CENPP: variants seen among roughly 807,000 people sequenced by gnomAD.
The protein encoded by CENPP is centromere protein P.
CENPP carries 24 observed loss-of-function variants against 35.6 expected under a neutral mutation model. The observed-to-expected ratio is 0.67, with a 90% CI of 0.49 to 0.95. CENPP has a LOEUF of 0.95. CENPP is among the 40% of genes least tolerant of loss of function. CENPP has a pLI of 0.00. For missense variants in CENPP, 332 were observed against 345.3 expected, an observed-to-expected ratio of 0.96 and a Z score of 0.31; for synonymous variants, 120 against 125.5, an observed-to-expected ratio of 0.96 and a Z score of 0.29.
intron 4 of CENPP, among the ~76,000 whole-genome samples, chr9:92,353,698 G>A (rs185738074): frequency 1.3e-5 from 2 of 152,214 alleles, no homozygotes; most frequent in East Asian, 1.9e-4. Flanking sequence ...TGGAGGCAGC[G>A]TTCCTCCCTC....
chr9:92,451,185 G>A (rs1844698389), intron 5 of CENPP, among the ~76,000 whole-genome samples: 1 of 149,060 alleles, frequency 6.7e-6, no homozygotes, highest in South Asian at 2.1e-4. Context: ...CCTATGTCCT[G>A]AATGGTAATG....
chr9:92,533,750 C>A (rs1849001250), intron 5 of CENPP, among the ~76,000 whole-genome samples: 1 of 152,010 alleles, frequency 6.6e-6, no homozygotes, highest in Non-Finnish European at 1.5e-5. Context: ...CTGAAAATGT[C>A]ATTGTTTAAT....
chr9:92,611,243 C>T, intron 5 of CENPP, 71 bp from the exon 6 acceptor site: 1 of 1,245,832 alleles, frequency 8.0e-7, no homozygotes, highest in South Asian at 1.2e-5. Context: ...TGGAACGGTG[C>T]CCCGTGCCCC....
At chr9:92,514,712 T>C (rs1429154936) in intron 5 of CENPP, 2 of 1,613,914 alleles carry the variant, frequency 1.2e-6, no homozygotes, top group African/African-American at 2.7e-5. Flanking sequence ...CTGATGGTCC[T>C]GTAGGACAGA....
At chr9:92,329,613 C>A (rs1217589238) in intron 1 of CENPP, among the ~76,000 whole-genome samples, 4 of 152,124 alleles carry the variant, frequency 2.6e-5, no homozygotes, top group Non-Finnish European at 5.9e-5. Context: ...TGACTCACTG[C>A]AACCTTCACC....
rs77394153 is a variant in CENPP, at chr9:92,334,369, T to G, written c.289+2018T>G. Reference sequence around the variant, plus strand: ...CTCCTGACCTCGTGATACGCCTGCCTCGGTCTCCCAAAGTGCTGGGATTAC... The same window carrying G: ...CTCCTGACCTCGTGATACGCCTGCCGCGGTCTCCCAAAGTGCTGGGATTAC... On this transcript the variant is annotated intron_variant, in intron 2 of 7. Coordinates refer to ENST00000375587, the MANE Select transcript of CENPP (RefSeq NM_001012267.3). Among the ~76,000 whole-genome samples the G allele has an allele frequency of 4.8e-3, 728 of 152,252 alleles. 4 individuals are homozygous for G. Among genetic ancestry groups the G allele is most frequent in the African/African-American group, 0.015 (636 of 41,562 alleles).
At chr9:92,542,393 A>C (rs1176171277) in intron 5 of CENPP, among the ~76,000 whole-genome samples, 1 of 151,624 alleles carries the variant, frequency 6.6e-6, no homozygotes, top group Non-Finnish European at 1.5e-5. Context: ...TCTTAATTTG[A>C]TGTAATCTCA....
chr9:92,606,716 C>T (rs900574398), intron 5 of CENPP, among the ~76,000 whole-genome samples: 14 of 152,140 alleles, frequency 9.2e-5, no homozygotes, highest in Admixed American at 6.5e-4. Flanking sequence ...CCATCTTGGC[C>T]AACATGGTGA....
At chr9:92,577,660 G>C (rs1246104928) in intron 5 of CENPP, among the ~76,000 whole-genome samples, 1 of 152,058 alleles carries the variant, frequency 6.6e-6, no homozygotes, top group Non-Finnish European at 1.5e-5. Flanking sequence ...GGTATTTGTA[G>C]AAAAATCAAG....
At chr9:92,608,439 G>C (rs899627220) in intron 5 of CENPP, among the ~76,000 whole-genome samples, 9 of 152,066 alleles carry the variant, frequency 5.9e-5, no homozygotes, top group Non-Finnish European at 1.0e-4. Flanking sequence ...TTGCCAATTT[G>C]GTCATCTTTT....
chr9:92,458,147 C>T (rs1564331166), intron 5 of CENPP, among the ~76,000 whole-genome samples: 1 of 152,170 alleles, frequency 6.6e-6, no homozygotes, highest in Non-Finnish European at 1.5e-5. Flanking sequence ...CACAATTTTA[C>T]AGGCCGTGTA....
At chr9:92,342,648 A>T (rs1022051254) in intron 3 of CENPP, among the ~76,000 whole-genome samples, 6 of 152,236 alleles carry the variant, frequency 3.9e-5, no homozygotes, top group Non-Finnish European at 8.8e-5. Context: ...GAGCTGTGGA[A>T]TCAACAGGGT....
At chr9:92,331,416 G>A (rs1461966732) in intron 1 of CENPP, among the ~76,000 whole-genome samples, 1 of 151,974 alleles carries the variant, frequency 6.6e-6, no homozygotes, top group African/African-American at 2.4e-5. Flanking sequence ...TCCTGACCGC[G>A]TGATCCACCC....
At position 92,496,397 on chromosome 9, in the gene CENPP, T is replaced by A. The variant is rs751356646; in HGVS notation, c.565-114917T>A. 2.5e-6 allele frequency: 4 copies of A among 1,610,778 alleles called. No homozygotes were observed. In the South Asian group the frequency reaches 4.4e-5, roughly 18 times the overall value. On this transcript the variant is annotated intron_variant, in intron 5 of 7. Coordinates refer to ENST00000375587, the MANE Select transcript of CENPP (RefSeq NM_001012267.3). The stretch of plus-strand genomic sequence containing the variant: ...TGTGTAAGATGGTATTTCTCTAATT[T>A]TAATATAATTGTTTTCAAGATGAAG...
At chr9:92,389,523 A>AT (rs1842579385) in intron 5 of CENPP, 1 of 170,470 alleles carries the variant, frequency 5.9e-6, no homozygotes, top group Non-Finnish European at 1.2e-5. Flanking sequence ...CACAGGAAAT[A>AT]TCCCATTTTG....
At chr9:92,443,789 A>G (rs1844482859) in intron 5 of CENPP, among the ~76,000 whole-genome samples, 1 of 151,894 alleles carries the variant, frequency 6.6e-6, no homozygotes, top group African/African-American at 2.4e-5. Context: ...CCTCCCAAGT[A>G]GCTGGAATTA....
intron 5 of CENPP, among the ~76,000 whole-genome samples, chr9:92,572,018 C>T (rs1355917358): frequency 1.3e-5 from 2 of 151,174 alleles, no homozygotes; most frequent in South Asian, 2.1e-4. Flanking sequence ...ATACAGCACA[C>T]AGATGGGTCT....
At chr9:92,595,899 C>T (rs1476067081) in intron 5 of CENPP, among the ~76,000 whole-genome samples, 1 of 152,010 alleles carries the variant, frequency 6.6e-6, no homozygotes, top group African/African-American at 2.4e-5. Context: ...AAGCATTTAA[C>T]GTAAGACTGT....
intron 5 of CENPP, among the ~76,000 whole-genome samples, chr9:92,481,406 T>G (rs1188243164): frequency 6.6e-6 from 1 of 152,168 alleles, no homozygotes; most frequent in Non-Finnish European, 1.5e-5. Context: ...AACTTTATTT[T>G]TAGGGAAATA....
Sources: allele counts gnomAD v4.1 joint callset (sites outside exome capture counted in the v4.1 genomes callset), GRCh38; gene constraint gnomAD v4.1.1; transcripts MANE v1.5; gene names NCBI Gene and HGNC (gene_info 2026-07-23, HGNC 2026-07-21).